CLYBL: variants seen among roughly 807,000 people sequenced by gnomAD.
CLYBL encodes the protein citramalyl-CoA lyase, mitochondrial.
Under a neutral mutation model 38.9 loss-of-function variants are expected in CLYBL, and 31 were observed. That is an observed-to-expected ratio of 0.80 (90% CI 0.60 to 1.08). CLYBL has a LOEUF of 1.08. CLYBL is among the 50% of genes least tolerant of loss of function. The pLI is 0.00. For synonymous variants in CLYBL, 171 were observed against 158.6 expected, an observed-to-expected ratio of 1.08 and a Z score of -0.59; for missense variants, 434 against 411.6, an observed-to-expected ratio of 1.05 and a Z score of -0.47.
chr13:99,695,802 G>A (rs1019401139), intron 1 of CLYBL, among the ~76,000 whole-genome samples: 1 of 152,186 alleles, frequency 6.6e-6, no homozygotes, highest in African/African-American at 2.4e-5. Context: ...ACAGGAATGA[G>A]CCACCGTCCC....
intron 2 of CLYBL, among the ~76,000 whole-genome samples, chr13:99,793,652 G>T (rs991871542): frequency 6.6e-6 from 1 of 151,908 alleles, no homozygotes; most frequent in Non-Finnish European, 1.5e-5. Flanking sequence ...TTAATGCAAG[G>T]ATTCAAATAT....
intron 1 of CLYBL, among the ~76,000 whole-genome samples, chr13:99,772,325 T>C (rs554622643): frequency 6.6e-6 from 1 of 152,328 alleles, no homozygotes; most frequent in South Asian, 2.1e-4. Context: ...TCAGCCAAAA[T>C]AACATTTAGT....
intron 1 of CLYBL, among the ~76,000 whole-genome samples, chr13:99,652,037 A>G (rs965219334): frequency 1.1e-4 from 16 of 152,184 alleles, no homozygotes; most frequent in Admixed American, 9.2e-4. Flanking sequence ...CGTCGGTGGA[A>G]AGCAACTGTA....
intron 1 of CLYBL, among the ~76,000 whole-genome samples, chr13:99,756,999 C>T (rs146282910): frequency 5.9e-5 from 9 of 152,102 alleles, no homozygotes; most frequent in Admixed American, 4.6e-4. Context: ...CAGGCTCAGG[C>T]GGTCCTCTCA....
rs145210150 is a variant in CLYBL, at chr13:99,870,969, C to T, written c.834C>T (p.Ala278=). 1.1e-4 allele frequency: 173 copies of T among 1,612,884 alleles called. No individual in the cohort carries two copies. The African/African-American group carries it at 1.1e-3, about 10-fold the overall frequency. ...GKQVIHPNQI[A]VVQEQFSPSP... The stretch of plus-strand genomic sequence containing the variant: ...AGGTGATTCACCCTAACCAAATTGC[C>T]GTGGTCCAGGAGCAGTTTTCTCCTT... The change falls in exon 7 of 9, where the codon GCC becomes GCT. Residue 278 remains alanine, a synonymous_variant. Transcript: ENST00000339105.
chr13:99,859,951 C>A (rs977198418), intron 3 of CLYBL, among the ~76,000 whole-genome samples: 45 of 152,050 alleles, frequency 3.0e-4, no homozygotes, highest in African/African-American at 1.1e-3. Flanking sequence ...GAAGCCACAT[C>A]TAGTATTATC....
rs192834383 is a variant in CLYBL, at chr13:99,807,106, G to C, written c.249+34096G>C. ...GCAATGGTATTCAAGGAGGAAAGTA[G>C]CCTCCTGTCTCCAGCCAGTTCAACC... On this transcript the variant is annotated intron_variant, in intron 2 of 8. Transcript: ENST00000339105. Among the ~76,000 whole-genome samples the C allele has an allele frequency of 3.8e-3, 577 of 152,308 alleles. 2 individuals carry two copies. The highest frequency in any genetic ancestry group is 0.016 in the South Asian group (79 of 4,826).
intron 2 of CLYBL, among the ~76,000 whole-genome samples, chr13:99,789,426 T>C (rs1209513684): frequency 6.6e-6 from 1 of 152,224 alleles, no homozygotes; most frequent in Non-Finnish European, 1.5e-5. Flanking sequence ...TCAAAGAACA[T>C]CTTTATTTCT....
chr13:99,819,434 ATATATATATATATATATATATATATATAT>A (rs2050533686), intron 2 of CLYBL, among the ~76,000 whole-genome samples: 1 of 69,128 alleles, frequency 1.4e-5, no homozygotes, highest in African/African-American at 6.1e-5. Flanking sequence ...ATATATATAT[ATATATATATATATATATATATATATATAT>A]ATATAATATT....
At chr13:99,620,773 T>C (rs1267299075) in intron 1 of CLYBL, among the ~76,000 whole-genome samples, 1 of 140,348 alleles carries the variant, frequency 7.1e-6, no homozygotes, top group Non-Finnish European at 1.6e-5. Context: ...AGACTCTGTC[T>C]CAAAAAAAGA....
chr13:99,735,380 A>G (rs1391877967), intron 1 of CLYBL, among the ~76,000 whole-genome samples: 1 of 152,064 alleles, frequency 6.6e-6, no homozygotes, highest in Non-Finnish European at 1.5e-5. Flanking sequence ...TTTTTTGTAG[A>G]GATGAGATCT....
At chr13:99,909,215 G>A (rs1019943119) in exon 10 of CLYBL, among the ~76,000 whole-genome samples, 15 of 152,172 alleles carry the variant, frequency 9.9e-5, no homozygotes, top group Non-Finnish European at 1.3e-4. Context: ...ATTTAATCAC[G>A]AAGACTCTGT....
At chr13:99,731,637 A>C (rs186923163) in intron 1 of CLYBL, among the ~76,000 whole-genome samples, 1 of 152,332 alleles carries the variant, frequency 6.6e-6, no homozygotes, top group Admixed American at 6.5e-5. Flanking sequence ...CATTAGTTTC[A>C]AAGTCAGAGT....
At chr13:99,615,857 G>A (rs1037994634) in intron 1 of CLYBL, among the ~76,000 whole-genome samples, 3 of 151,922 alleles carry the variant, frequency 2.0e-5, no homozygotes, top group African/African-American at 2.4e-5. Flanking sequence ...ATTTTGAAAC[G>A]GAGTCTCACT....
At chr13:99,888,056 A>G (rs1269272291) in intron 7 of CLYBL, among the ~76,000 whole-genome samples, 1 of 152,030 alleles carries the variant, frequency 6.6e-6, no homozygotes, top group Non-Finnish European at 1.5e-5. Flanking sequence ...GGGTTTCACC[A>G]TGTTGGCCAG....
chr13:99,609,522 T>C (rs2139166230), intron 1 of CLYBL, among the ~76,000 whole-genome samples: 1 of 152,136 alleles, frequency 6.6e-6, no homozygotes, highest in East Asian at 1.9e-4. Flanking sequence ...ACTCAAATCA[T>C]TTTCATTTTA....
intron 1 of CLYBL, among the ~76,000 whole-genome samples, chr13:99,680,721 C>T (rs1758454579): frequency 6.6e-6 from 1 of 152,150 alleles, no homozygotes. Context: ...CTATGGAATA[C>T]CTATGCTCCA....
chr13:99,674,059 G>A (rs1177756726), intron 1 of CLYBL, among the ~76,000 whole-genome samples: 1 of 151,786 alleles, frequency 6.6e-6, no homozygotes, highest in Admixed American at 6.6e-5. Flanking sequence ...TGTTGGGGTA[G>A]GGGTGGAGGT....
At chr13:99,708,388 CACTT>C in intron 1 of CLYBL, among the ~76,000 whole-genome samples, 1 of 152,142 alleles carries the variant, frequency 6.6e-6, no homozygotes, top group Non-Finnish European at 1.5e-5. Flanking sequence ...TTCACTCACT[CACTT>C]GGCCATTTAT....
Sources: allele counts gnomAD v4.1 joint callset (sites outside exome capture counted in the v4.1 genomes callset), GRCh38; gene constraint gnomAD v4.1.1; transcripts MANE v1.5; gene names NCBI Gene and HGNC (gene_info 2026-07-23, HGNC 2026-07-21).